NR3C2: variants seen among roughly 807,000 people sequenced by gnomAD.
NR3C2 encodes mineralocorticoid receptor.
NR3C2 carries 15 observed loss-of-function variants against 86.4 expected under a neutral mutation model. The observed-to-expected ratio is 0.17, with a 90% CI of 0.12 to 0.27. The LOEUF is 0.27. Among genes scored for constraint, NR3C2 ranks in the 10% least tolerant of loss-of-function variants. The pLI is 1.00. For missense variants in NR3C2, 960 were observed against 1,195.6 expected, an observed-to-expected ratio of 0.80 and a Z score of 2.91; for synonymous variants, 458 against 450.5, an observed-to-expected ratio of 1.02 and a Z score of -0.21.
At chr4:148,139,836 T>C (rs1733527506) in intron 6 of NR3C2, among the ~76,000 whole-genome samples, 1 of 152,222 alleles carries the variant, frequency 6.6e-6, no homozygotes, top group Admixed American at 6.5e-5. Context: ...TTCAGAGCCC[T>C]TCCCCACATG....
At chr4:148,311,539 C>A (rs1183764021) in intron 2 of NR3C2, among the ~76,000 whole-genome samples, 1 of 152,300 alleles carries the variant, frequency 6.6e-6, no homozygotes, top group South Asian at 2.1e-4. Flanking sequence ...CCACAATGCT[C>A]CAGCAATCAC....
intron 3 of NR3C2, among the ~76,000 whole-genome samples, chr4:148,206,912 T>C (rs1245684875): frequency 6.6e-6 from 1 of 152,144 alleles, no homozygotes; most frequent in East Asian, 1.9e-4. Flanking sequence ...TTCTTATGTT[T>C]AATGTTTATG....
At chr4:148,402,944 G>T (rs1748243056) in intron 2 of NR3C2, among the ~76,000 whole-genome samples, 1 of 151,790 alleles carries the variant, frequency 6.6e-6, no homozygotes, top group Non-Finnish European at 1.5e-5. Context: ...TGGTTTTGAG[G>T]GTGTCTTTTT....
intron 2 of NR3C2, among the ~76,000 whole-genome samples, chr4:148,323,868 C>A (rs981818913): frequency 1.3e-5 from 2 of 151,924 alleles, no homozygotes; most frequent in African/African-American, 2.4e-5. Context: ...AGCTGTGGAC[C>A]GGAGCTGTTC....
At chr4:148,093,184 G>C (rs573924311) in intron 8 of NR3C2, among the ~76,000 whole-genome samples, 1 of 152,356 alleles carries the variant, frequency 6.6e-6, no homozygotes, top group East Asian at 1.9e-4. Context: ...CAAGGTCACA[G>C]GGCAACTGAT....
In NR3C2 at chr4:148,154,768, T is replaced by C; in HGVS notation, c.2148A>G (p.Glu716=). The C allele has an allele frequency of 1.3e-6, 2 of 1,487,506 alleles. No individual in the cohort carries two copies. The highest frequency in any genetic ancestry group is 9.1e-7 in the Non-Finnish European group (1 of 1,104,044). 92.1% of individuals were successfully genotyped at this position (1,487,506 alleles called of 1,614,324 possible). A position where few individuals can be genotyped will look rare whatever the true frequency, so the allele number is the denominator to read the frequency against. ...GAACCAGTGCTGTGTTGACCGAGGG[T>C]TCTTTTGCAGGAGCGATGTACGTTG... The part of the protein sequence containing the change: ...EGTTYIAPAK[E]PSVNTALVPQ... Residue 716 remains glutamate, a synonymous_variant, in exon 5 of 9, where the codon GAA becomes GAG. Transcript: ENST00000358102.
At chr4:148,234,404 G>A (rs1483334280) in intron 3 of NR3C2, among the ~76,000 whole-genome samples, 1 of 152,106 alleles carries the variant, frequency 6.6e-6, no homozygotes, top group African/African-American at 2.4e-5. Context: ...GGGGGCAGTG[G>A]CTCAAGCCTG....
chr4:148,179,317 C>A (rs1735541310), intron 4 of NR3C2, among the ~76,000 whole-genome samples: 1 of 151,436 alleles, frequency 6.6e-6, no homozygotes. Flanking sequence ...ATTTCCTATG[C>A]CCAAAAAGTC....
At chr4:148,194,140 C>T (rs188316981) in intron 4 of NR3C2, among the ~76,000 whole-genome samples, 1 of 152,264 alleles carries the variant, frequency 6.6e-6, no homozygotes, top group East Asian at 1.9e-4. Context: ...TCTTTAGGAA[C>T]TTAGAATAAT....
intron 3 of NR3C2, among the ~76,000 whole-genome samples, chr4:148,241,823 A>G (rs1739064017): frequency 6.6e-6 from 1 of 152,256 alleles, no homozygotes; most frequent in African/African-American, 2.4e-5. Context: ...GAATAAATGG[A>G]TGCTATGAAA....
intron 8 of NR3C2, among the ~76,000 whole-genome samples, chr4:148,109,561 C>T (rs908015146): frequency 1.3e-5 from 2 of 152,184 alleles, no homozygotes; most frequent in African/African-American, 4.8e-5. Flanking sequence ...TACTTTCTAC[C>T]TTGCATTATG....
intron 3 of NR3C2, among the ~76,000 whole-genome samples, chr4:148,245,720 A>G (rs1739282459): frequency 6.6e-6 from 1 of 152,186 alleles, no homozygotes; most frequent in African/African-American, 2.4e-5. Context: ...TATTAAAATG[A>G]AAAAAAGCAG....
chr4:148,258,150 G>C (rs72655229), intron 3 of NR3C2, among the ~76,000 whole-genome samples: 3 of 152,230 alleles, frequency 2.0e-5, no homozygotes, highest in African/African-American at 7.2e-5. Flanking sequence ...GGTAGGGCCA[G>C]CTGGCCAACT....
At chr4:148,364,324 G>C (rs575474822) in intron 2 of NR3C2, among the ~76,000 whole-genome samples, 6 of 152,144 alleles carry the variant, frequency 3.9e-5, no homozygotes, top group Non-Finnish European at 7.3e-5. Flanking sequence ...CACTGCTTTA[G>C]GGAGCACTGA....
At chr4:148,172,231 C>G (rs1735161987) in intron 4 of NR3C2, among the ~76,000 whole-genome samples, 1 of 152,022 alleles carries the variant, frequency 6.6e-6, no homozygotes, top group South Asian at 2.1e-4. Context: ...ACCATCAAAC[C>G]AGGATTGAAA....
chr4:148,187,401 G>T (rs955747264), intron 4 of NR3C2, among the ~76,000 whole-genome samples: 9 of 151,990 alleles, frequency 5.9e-5, no homozygotes, highest in African/African-American at 2.2e-4. Context: ...GGCCATTCTT[G>T]CAGGAGTGAG....
At chr4:148,442,527 G>A (rs1263852223), upstream of NR3C2, 3 of 436,098 alleles carry the variant, frequency 6.9e-6, no homozygotes, top group African/African-American at 4.3e-5. Context: ...TTTTAAAAGC[G>A]GGTCACATGT....
At chr4:148,321,368 G>C (rs1466839142) in intron 2 of NR3C2, among the ~76,000 whole-genome samples, 1 of 151,626 alleles carries the variant, frequency 6.6e-6, no homozygotes, top group Non-Finnish European at 1.5e-5. Flanking sequence ...CTTTGGGGTG[G>C]AGAGTTCTGT....
intron 4 of NR3C2, among the ~76,000 whole-genome samples, chr4:148,174,418 A>G (rs1198095401): frequency 6.6e-6 from 1 of 152,236 alleles, no homozygotes; most frequent in Non-Finnish European, 1.5e-5. Flanking sequence ...TGGAGTGACA[A>G]CGAGGTGGTT....
Sources: gnomAD v4.1 joint callset for allele counts (sites outside exome capture counted in the v4.1 genomes callset) on GRCh38, gnomAD v4.1.1 for gene constraint, MANE v1.5 for transcripts, NCBI Gene and HGNC (gene_info 2026-07-23, HGNC 2026-07-21) for gene names.